DLG2: variants seen among roughly 807,000 people sequenced by gnomAD.
The protein encoded by DLG2 is disks large homolog 2.
DLG2 carries 45 observed loss-of-function variants against 132.5 expected under a neutral mutation model. The ratio of observed to expected loss-of-function variants is 0.34; its 90% CI spans 0.27 to 0.44. DLG2 has a LOEUF of 0.44. Among genes scored for constraint, DLG2 ranks in the 20% least tolerant of loss-of-function variants. The pLI is 1.00. For synonymous variants in DLG2, 424 were observed against 419.6 expected, an observed-to-expected ratio of 1.01 and a Z score of -0.13; for missense variants, 1,045 against 1,196.9, an observed-to-expected ratio of 0.87 and a Z score of 1.87.
chr11:84,364,039 C>T (rs1447978904), intron 7 of DLG2, among the ~76,000 whole-genome samples: 1 of 152,030 alleles, frequency 6.6e-6, no homozygotes, highest in Non-Finnish European at 1.5e-5. Flanking sequence ...TTTTCCAATT[C>T]TGTGAAGAAA....
intron 6 of DLG2, among the ~76,000 whole-genome samples, chr11:84,585,492 C>G (rs2099527493): frequency 6.6e-6 from 1 of 152,162 alleles, no homozygotes; most frequent in Non-Finnish European, 1.5e-5. Context: ...GTATTCCTTA[C>G]CCTTTGCTCT....
intron 6 of DLG2, among the ~76,000 whole-genome samples, chr11:84,609,734 T>C (rs2154536992): frequency 6.6e-6 from 1 of 152,282 alleles, no homozygotes; most frequent in Middle Eastern, 3.4e-3. Context: ...TGATTGGATA[T>C]ACTAGTAGAG....
chr11:83,773,787 T>C (rs2094484469), intron 18 of DLG2, among the ~76,000 whole-genome samples: 1 of 152,236 alleles, frequency 6.6e-6, no homozygotes, highest in South Asian at 2.1e-4. Context: ...GCCAACTCTG[T>C]GCTGGGTGCT....
chr11:84,874,735 T>C (rs2086054449), intron 6 of DLG2, among the ~76,000 whole-genome samples: 1 of 151,866 alleles, frequency 6.6e-6, no homozygotes, highest in Non-Finnish European at 1.5e-5. Context: ...ATAAGAAAGA[T>C]TTAGGCCGAG....
chr11:84,941,140 T>A (rs1332132237), intron 6 of DLG2, among the ~76,000 whole-genome samples: 3 of 152,232 alleles, frequency 2.0e-5, no homozygotes, highest in Non-Finnish European at 4.4e-5. Context: ...CTCTGTAGTA[T>A]AATTTGAAGT....
chr11:83,491,772 C>A (rs1743454220), intron 21 of DLG2, among the ~76,000 whole-genome samples: 1 of 151,728 alleles, frequency 6.6e-6, no homozygotes, highest in African/African-American at 2.4e-5. Flanking sequence ...GAAATAGAGA[C>A]CTTCTCTTCT....
At chr11:84,074,091 A>G (rs922816535) in intron 10 of DLG2, among the ~76,000 whole-genome samples, 1 of 152,332 alleles carries the variant, frequency 6.6e-6, no homozygotes, top group Non-Finnish European at 1.5e-5. Context: ...CAGCATTTGT[A>G]TAGTTCAACA....
At chr11:84,869,265 G>A (rs999329931) in intron 6 of DLG2, among the ~76,000 whole-genome samples, 15 of 152,150 alleles carry the variant, frequency 9.9e-5, no homozygotes, top group African/African-American at 3.6e-4. Flanking sequence ...GTGATCTGTG[G>A]TGCCATGGAC....
At chr11:85,083,921 T>C (rs1288898145) in intron 6 of DLG2, among the ~76,000 whole-genome samples, 1 of 152,104 alleles carries the variant, frequency 6.6e-6, no homozygotes, top group African/African-American at 2.4e-5. Context: ...TAAACTCATG[T>C]TTCAGATTAA....
Position 83,456,010 on chromosome 11 carries a change from A to G in DLG2, c.*3808T>C, listed in dbSNP as rs2088906753. On this transcript the variant is annotated 3_prime_UTR_variant, in exon 28 of 28. Coordinates refer to ENST00000376104, the MANE Select transcript of DLG2 (RefSeq NM_001142699.3). ...TCTCACCAGAGCAATCACCAGCTGAAAAGCAGAGGGGGCTTCACATAAAAA... is the reference window on the plus strand; with the variant it reads ...TCTCACCAGAGCAATCACCAGCTGAGAAGCAGAGGGGGCTTCACATAAAAA... 1 of 152,646 alleles carries G rather than the reference A, an allele frequency of 6.6e-6. No individual in the cohort carries two copies. The highest frequency in any genetic ancestry group is 1.5e-5 in the Non-Finnish European group (1 of 68,072). The allele number at this position is 152,646 out of a possible 1,614,324, so 9.5% of individuals were successfully genotyped here.
At chr11:85,239,654 C>A (rs990442797) in intron 4 of DLG2, among the ~76,000 whole-genome samples, 2 of 151,868 alleles carry the variant, frequency 1.3e-5, no homozygotes, top group African/African-American at 2.4e-5. Flanking sequence ...AAAGTCTATC[C>A]TATTTATATA....
intron 18 of DLG2, among the ~76,000 whole-genome samples, chr11:83,650,631 A>G (rs2153516126): frequency 6.6e-6 from 1 of 152,366 alleles, no homozygotes; most frequent in Admixed American, 6.5e-5. Context: ...CAGATATGAA[A>G]AAAATTTCTT....
At chr11:84,521,629 T>C (rs545896099) in intron 7 of DLG2, among the ~76,000 whole-genome samples, 10 of 152,152 alleles carry the variant, frequency 6.6e-5, no homozygotes, top group African/African-American at 1.2e-4. Flanking sequence ...GTGCAGCGCA[T>C]TATCTAAACT....
At chr11:83,667,975 CAAA>C (rs10688898) in intron 18 of DLG2, among the ~76,000 whole-genome samples, 5 of 39,598 alleles carry the variant, frequency 1.3e-4, no homozygotes, top group African/African-American at 3.7e-4. Flanking sequence ...GACTCCGTCT[CAAA>C]AAAAAAAAAA....
intron 7 of DLG2, among the ~76,000 whole-genome samples, chr11:84,355,100 A>T (rs992035201): frequency 6.6e-6 from 1 of 152,060 alleles, no homozygotes; most frequent in Non-Finnish European, 1.5e-5. Flanking sequence ...AGAAAATAGG[A>T]TCATATAAGA....
At chr11:84,317,495 A>G in intron 7 of DLG2, 1 of 430,322 alleles carries the variant, frequency 2.3e-6, no homozygotes. Context: ...ACAGTAAAGA[A>G]TAACTCTTTG....
At chr11:84,840,435 A>T (rs1343714787) in intron 6 of DLG2, among the ~76,000 whole-genome samples, 5 of 152,132 alleles carry the variant, frequency 3.3e-5, no homozygotes, top group African/African-American at 1.2e-4. Context: ...AGTGTGACTA[A>T]TTCCTCAAGG....
intron 3 of DLG2, among the ~76,000 whole-genome samples, chr11:85,472,393 C>A (rs1380080828): frequency 6.6e-6 from 1 of 152,174 alleles, no homozygotes; most frequent in Non-Finnish European, 1.5e-5. Context: ...TCTCCACCTC[C>A]CGGGTTCAAG....
At chr11:85,221,936 T>C (rs2074672604) in intron 4 of DLG2, among the ~76,000 whole-genome samples, 1 of 152,030 alleles carries the variant, frequency 6.6e-6, no homozygotes, top group Admixed American at 6.6e-5. Flanking sequence ...TTTCTTTCTT[T>C]CTTTCTTTTT....
Sources: allele counts gnomAD v4.1 joint callset (sites outside exome capture counted in the v4.1 genomes callset), GRCh38; gene constraint gnomAD v4.1.1; transcripts MANE v1.5; gene names NCBI Gene and HGNC (gene_info 2026-07-23, HGNC 2026-07-21).